TRIM16: variants seen among roughly 807,000 people sequenced by gnomAD.
The protein encoded by TRIM16 is tripartite motif-containing protein 16.
A neutral mutation model predicts 50.4 loss-of-function variants in TRIM16; 33 were observed. The observed-to-expected ratio is 0.65, with a 90% CI of 0.50 to 0.88. TRIM16 has a LOEUF of 0.88. TRIM16 is among the 40% of genes least tolerant of loss of function. The pLI is 0.00. For missense variants in TRIM16, 581 were observed against 686.8 expected, an observed-to-expected ratio of 0.85 and a Z score of 1.72; for synonymous variants, 229 against 270.7, an observed-to-expected ratio of 0.85 and a Z score of 1.51.
chr17:15,648,087 G>A (rs1482896158), intron 7 of TRIM16, among the ~76,000 whole-genome samples: 4 of 151,964 alleles, frequency 2.6e-5, no homozygotes, highest in African/African-American at 7.3e-5. Flanking sequence ...TTAGCCGGGC[G>A]TGGTGGCGAG....
rs568194121 is a variant in TRIM16, at chr17:15,648,234, A to C, written c.519+2857T>G. 3.2e-4 allele frequency among the ~76,000 whole-genome samples: 48 copies of C among 149,810 alleles called. No homozygotes were observed. The South Asian group carries it at 4.6e-3, about 14-fold the overall frequency. On this transcript the variant is annotated intron_variant, in intron 7 of 11. Transcript: ENST00000649191. ...GAGCGAGACTCCGTCTCAAAAAAAA[A>C]AAAAAACAAAAAACAAACAAACAAA...
intron 6 of TRIM16, among the ~76,000 whole-genome samples, chr17:15,662,196 G>A (rs1007869352): frequency 3.3e-5 from 5 of 152,166 alleles, no homozygotes; most frequent in Non-Finnish European, 7.3e-5. Context: ...GCGTTTCCTT[G>A]GCTCTTAAAA....
At position 15,677,721 on chromosome 17, in the gene TRIM16, T is replaced by G; in HGVS notation, c.-589A>C. Reference sequence around the variant, plus strand: ...AAGCCCTGAAACACCTGCATGGGGTTCTGAAGAAAAAGTTACATGAGGCAT... The same window carrying G: ...AAGCCCTGAAACACCTGCATGGGGTGCTGAAGAAAAAGTTACATGAGGCAT... On this transcript the variant is annotated splice_region_variant and 5_prime_UTR_variant, in exon 5 of 12. Coordinates refer to ENST00000649191, the MANE Select transcript of TRIM16 (RefSeq NM_001348119.1). The G allele has an allele frequency of 1.0e-6, 1 of 991,678 alleles. No individual in the cohort carries two copies. The highest frequency in any genetic ancestry group is 1.2e-6 in the Non-Finnish European group (1 of 832,590). 61.4% of individuals were successfully genotyped at this position (991,678 alleles called of 1,614,324 possible). A position where few individuals can be genotyped will look rare whatever the true frequency, so the allele number is the denominator to read the frequency against.
chr17:15,681,503 C>T (rs1292165990), intron 3 of TRIM16, among the ~76,000 whole-genome samples: 1 of 152,250 alleles, frequency 6.6e-6, no homozygotes, highest in African/African-American at 2.4e-5. Context: ...GTATCATTCA[C>T]CACTGCATCC....
chr17:15,658,911 GTAAT>G (rs929963179), intron 6 of TRIM16: 2 of 976,274 alleles, frequency 2.0e-6, no homozygotes, highest in Non-Finnish European at 2.4e-6. Context: ...GATCACTTTG[GTAAT>G]TAATTACCAC....
At chr17:15,671,913 A>T (rs1199132360) in intron 6 of TRIM16, among the ~76,000 whole-genome samples, 1 of 152,220 alleles carries the variant, frequency 6.6e-6, no homozygotes, top group African/African-American at 2.4e-5. Context: ...AAAGGAGACT[A>T]ACTTGCAAAA....
At chr17:15,632,429 T>G in intron 10 of TRIM16, 80 bp downstream of exon 10, 1 of 1,453,616 alleles carries the variant, frequency 6.9e-7, no homozygotes, top group South Asian at 1.6e-5. Flanking sequence ...CATCCTCCCT[T>G]CCCTGACTCT....
rs1430956234 is a variant in TRIM16 at position 15,637,139 on chromosome 17, C to G, written c.616-870G>C. Among the ~76,000 whole-genome samples the G allele has an allele frequency of 1.7e-3, 242 of 144,308 alleles. 2 individuals carry two copies. Among genetic ancestry groups the G allele is most frequent in the African/African-American group, 6.0e-3 (230 of 38,288 alleles). 94.7% of individuals were successfully genotyped at this position (144,308 alleles called of 152,430 possible). On this transcript the variant is annotated intron_variant, in intron 8 of 11. Transcript: ENST00000649191. The stretch of plus-strand genomic sequence containing the variant: ...GTGGGGGGGGGGGGTCAGCCCCCCG[C>G]CCGGCCAGCCGCCCCATCCGGGAGG...
intron 6 of TRIM16, chr17:15,675,742 T>C (rs1025577739): frequency 1.1e-5 from 2 of 174,932 alleles, no homozygotes; most frequent in Non-Finnish European, 2.7e-5. Context: ...TATATACACA[T>C]ACGTATGTGT....
chr17:15,667,903 T>C (rs1328442946), intron 6 of TRIM16, among the ~76,000 whole-genome samples: 6 of 151,986 alleles, frequency 3.9e-5, no homozygotes, highest in Non-Finnish European at 8.8e-5. Context: ...TTTTTTCTAG[T>C]GTCCTTTGTA....
At chr17:15,643,751 A>G (rs1987221300) in intron 7 of TRIM16, among the ~76,000 whole-genome samples, 1 of 152,208 alleles carries the variant, frequency 6.6e-6, no homozygotes, top group Admixed American at 6.5e-5. Flanking sequence ...TGATAAAATC[A>G]TGTTTCCAAG....
At chr17:15,637,550 C>T (rs1986871237) in intron 8 of TRIM16, among the ~76,000 whole-genome samples, 1 of 147,112 alleles carries the variant, frequency 6.8e-6, no homozygotes, top group African/African-American at 2.5e-5. Flanking sequence ...GCCCGGCCAG[C>T]CGCCCCGTCC....
At chr17:15,637,044 C>T (rs532402622) in intron 8 of TRIM16, among the ~76,000 whole-genome samples, 9 of 148,084 alleles carry the variant, frequency 6.1e-5, no homozygotes, top group Admixed American at 2.0e-4. Context: ...GGAGCCTCTC[C>T]GCCCGGTAGC....
intron 6 of TRIM16, among the ~76,000 whole-genome samples, chr17:15,661,132 C>A (rs921035672): frequency 6.6e-6 from 1 of 152,144 alleles, no homozygotes; most frequent in African/African-American, 2.4e-5. Context: ...AGCTGTGTGA[C>A]CTTTGTAAGT....
chr17:15,656,806 G>A (rs551342197), intron 6 of TRIM16, among the ~76,000 whole-genome samples: 4 of 152,258 alleles, frequency 2.6e-5, no homozygotes, highest in South Asian at 2.1e-4. Flanking sequence ...AGGCTGTAAC[G>A]TAGTGGTGCA....
chr17:15,632,773 T>C (rs1225945359), intron 9 of TRIM16, 99 bp from the exon 10 acceptor site: 13 of 1,347,506 alleles, frequency 9.6e-6, no homozygotes, highest in Non-Finnish European at 1.3e-5. Context: ...TAAAATGGGC[T>C]GACGGTAATG....
At chr17:15,665,288 A>G (rs1039285622) in intron 6 of TRIM16, among the ~76,000 whole-genome samples, 88 of 152,226 alleles carry the variant, frequency 5.8e-4, no homozygotes, top group South Asian at 1.0e-3. Context: ...TGCGGCGGGC[A>G]GATCACGAGG....
intron 7 of TRIM16, among the ~76,000 whole-genome samples, chr17:15,646,646 G>C: frequency 6.8e-6 from 1 of 147,016 alleles, no homozygotes; most frequent in East Asian, 2.0e-4. Flanking sequence ...CACACAAAGA[G>C]TGGCAGCCAG....
At chr17:15,678,653 T>G (rs183418270) in intron 4 of TRIM16, among the ~76,000 whole-genome samples, 7 of 152,242 alleles carry the variant, frequency 4.6e-5, no homozygotes, top group African/African-American at 1.4e-4. Flanking sequence ...CTCACATGGC[T>G]ATGACAGCAA....
Sources: gnomAD v4.1 joint callset for allele counts (sites outside exome capture counted in the v4.1 genomes callset) on GRCh38, gnomAD v4.1.1 for gene constraint, MANE v1.5 for transcripts, NCBI Gene and HGNC (gene_info 2026-07-23, HGNC 2026-07-21) for gene names.